RYR3: variants seen among roughly 807,000 people sequenced by gnomAD.
RYR3 encodes the protein brain ryanodine receptor-calcium release channel.
RYR3 carries 207 observed loss-of-function variants against 584.3 expected under a neutral mutation model. The observed-to-expected ratio is 0.35, with a 90% CI of 0.32 to 0.40. The LOEUF (loss-of-function observed/expected upper bound fraction) is 0.40. RYR3 is among the 10% of genes least tolerant of loss of function. RYR3 has a pLI of 1.00. For synonymous variants in RYR3, 2,416 were observed against 2,248.5 expected (o/e 1.07, Z -2.11); for missense variants, 5,616 against 6,089.2 (o/e 0.92, Z 2.59).
At chr15:33,391,620 T>C (rs371359127) in intron 1 of RYR3, among the ~76,000 whole-genome samples, 10 of 101,272 alleles carry the variant, frequency 9.9e-5, no homozygotes, top group African/African-American at 3.7e-4. Flanking sequence ...AGCGAGACTC[T>C]GTCTCAAAAA....
intron 3 of RYR3, among the ~76,000 whole-genome samples, chr15:33,514,930 G>C (rs532477946): frequency 6.2e-4 from 94 of 152,210 alleles, no homozygotes; most frequent in Non-Finnish European, 1.1e-3. Context: ...CGTGAACCCG[G>C]GAGGCGGAGC....
At chr15:33,844,785 A>G (rs2078608615) in intron 92 of RYR3, 77 bp from the exon 93 acceptor site, 1 of 1,269,240 alleles carries the variant, frequency 7.9e-7, no homozygotes, top group Non-Finnish European at 1.1e-6. Context: ...CATGCTAACA[A>G]TATAAAATAT....
chr15:33,700,200 A>G (rs559293253), intron 41 of RYR3, among the ~76,000 whole-genome samples: 2 of 152,328 alleles, frequency 1.3e-5, no homozygotes, highest in Admixed American at 1.3e-4. Flanking sequence ...AGTGCTGATG[A>G]GACCAAGGTC....
chr15:33,654,753 C>G (rs528855187), intron 32 of RYR3, among the ~76,000 whole-genome samples: 123 of 152,234 alleles, frequency 8.1e-4, no homozygotes, highest in Middle Eastern at 3.4e-3. Context: ...TTAGGGCATC[C>G]AACAGTTTTT....
At chr15:33,653,229 G>C (rs1450411266) in intron 32 of RYR3, among the ~76,000 whole-genome samples, 2 of 152,112 alleles carry the variant, frequency 1.3e-5, no homozygotes, top group African/African-American at 2.4e-5. Flanking sequence ...CAAGATACAA[G>C]ATGTAAAGGT....
intron 14 of RYR3, among the ~76,000 whole-genome samples, chr15:33,583,035 C>T (rs938260882): frequency 7.2e-5 from 11 of 152,174 alleles, no homozygotes; most frequent in Admixed American, 3.3e-4. Flanking sequence ...CATATTTTCT[C>T]CCTCTCTCTG....
intron 38 of RYR3, among the ~76,000 whole-genome samples, chr15:33,678,978 A>G (rs1053162295): frequency 6.6e-6 from 1 of 152,236 alleles, no homozygotes; most frequent in Non-Finnish European, 1.5e-5. Flanking sequence ...CTGGGGAAGC[A>G]CAGAGAAATT....
At chr15:33,316,264 A>T (rs558066933) in intron 1 of RYR3, among the ~76,000 whole-genome samples, 21 of 152,352 alleles carry the variant, frequency 1.4e-4, no homozygotes, top group African/African-American at 5.1e-4. Context: ...CTTCATAGAA[A>T]GGAATCTTTA....
chr15:33,596,836 C>T (rs35539773), intron 16 of RYR3, among the ~76,000 whole-genome samples: 21,723 of 152,088 alleles, frequency 0.14, 1,586 homozygotes, highest in Middle Eastern at 0.19. Flanking sequence ...AATTTTGTAT[C>T]ATTAAACAAA....
chr15:33,672,516 C>A (rs761252139), intron 38 of RYR3, among the ~76,000 whole-genome samples: 4 of 152,182 alleles, frequency 2.6e-5, no homozygotes, highest in Non-Finnish European at 5.9e-5. Context: ...GCATGTTTGG[C>A]TTCTCTGCTG....
intron 2 of RYR3, among the ~76,000 whole-genome samples, chr15:33,474,974 C>A (rs927584856): frequency 6.6e-6 from 1 of 152,128 alleles, no homozygotes; most frequent in South Asian, 2.1e-4. Context: ...AAATTTTTAT[C>A]TTTTTAAAGA....
At chr15:33,565,040 T>C (rs2057629053) in intron 11 of RYR3, among the ~76,000 whole-genome samples, 1 of 152,184 alleles carries the variant, frequency 6.6e-6, no homozygotes. Context: ...TAAAGCACCC[T>C]CTTTCCTATT....
chr15:33,426,039 C>A (rs1164337062), intron 1 of RYR3, among the ~76,000 whole-genome samples: 3 of 151,980 alleles, frequency 2.0e-5, no homozygotes, highest in African/African-American at 4.8e-5. Context: ...ATGTAAAGAT[C>A]AAAAATCTTA....
At position 33,569,231 on chromosome 15, in the gene RYR3, G is replaced by A. The variant is rs139670248; in HGVS notation, c.1268+2432G>A. Among the ~76,000 whole-genome samples the A allele has an allele frequency of 3.0e-4, 46 of 152,246 alleles. 1 individual carries two copies. In the East Asian group the frequency reaches 8.9e-3, roughly 29 times the overall value. On this transcript the variant is annotated intron_variant, in intron 12 of 103. Coordinates refer to ENST00000634891, the MANE Select transcript of RYR3 (RefSeq NM_001036.6). Reference sequence around the variant, plus strand: ...AAATACTTAGGAGTGAAATTGCTGAGTCACATATAAATTTGTATAACTTTT... The same window carrying A: ...AAATACTTAGGAGTGAAATTGCTGAATCACATATAAATTTGTATAACTTTT...
intron 47 of RYR3, 62 bp downstream of exon 47, chr15:33,729,088 C>T (rs2068712337): frequency 1.4e-6 from 2 of 1,400,334 alleles, no homozygotes; most frequent in Non-Finnish European, 2.0e-6. Context: ...TAATGTTGGA[C>T]TTCGAAGCAA....
chr15:33,849,957 T>TTG (rs1457977298), intron 94 of RYR3: 1 of 152,260 alleles, frequency 6.6e-6, no homozygotes, highest in Admixed American at 6.5e-5. Flanking sequence ...TTCTGATGCT[T>TTG]TGTCATTACA....
At chr15:33,630,708 G>GCAT (rs1171962781) in intron 22 of RYR3, among the ~76,000 whole-genome samples, 2 of 152,182 alleles carry the variant, frequency 1.3e-5, no homozygotes, top group East Asian at 3.8e-4. Context: ...GCCCTTACAG[G>GCAT]CATCATGCAG....
intron 67 of RYR3, among the ~76,000 whole-genome samples, chr15:33,796,453 T>C (rs572012939): frequency 1.3e-5 from 2 of 152,298 alleles, no homozygotes; most frequent in East Asian, 3.9e-4. Context: ...TTTTTGAAAA[T>C]GGAAGTCTGA....
chr15:33,593,259 C>G (rs749656197), intron 16 of RYR3, among the ~76,000 whole-genome samples: 28 of 141,372 alleles, frequency 2.0e-4, no homozygotes, highest in Non-Finnish European at 4.1e-4. Flanking sequence ...CATTTCCCCA[C>G]TTTTCTGTTT....
Sources: gnomAD v4.1 joint callset for allele counts (sites outside exome capture counted in the v4.1 genomes callset) on GRCh38, gnomAD v4.1.1 for gene constraint, MANE v1.5 for transcripts, NCBI Gene and HGNC (gene_info 2026-07-23, HGNC 2026-07-21) for gene names.